The following DLGAP2 variants were observed in gnomAD, a reference collection of about 807,000 sequenced individuals.
The protein encoded by DLGAP2 is disks large-associated protein 2.
DLGAP2 carries 26 observed loss-of-function variants against 100.3 expected under a neutral mutation model. The ratio of observed to expected loss-of-function variants is 0.26; its 90% CI spans 0.19 to 0.36. The LOEUF (loss-of-function observed/expected upper bound fraction) is 0.36, where lower values mean the gene tolerates loss of function less well. DLGAP2 is among the 10% of genes least tolerant of loss of function. The probability of loss-of-function intolerance (pLI) is 1.00; values close to 1 mark genes in which losing one functional copy is unlikely to be tolerated. For synonymous variants in DLGAP2, 886 were observed against 630.1 expected (o/e 1.41, Z -6.08); for missense variants, 1,858 against 1,453.2 (o/e 1.28, Z -4.53).
At chr8:1,246,947 C>A in intron 2 of DLGAP2, 1 of 143,214 alleles carries the variant, frequency 7.0e-6, no homozygotes. Context: ...ATGTCGGTGG[C>A]CAGGAACACC....
At chr8:1,119,697 A>G (rs1434773030) in intron 2 of DLGAP2, among the ~76,000 whole-genome samples, 2 of 152,226 alleles carry the variant, frequency 1.3e-5, no homozygotes, top group Admixed American at 6.5e-5. Flanking sequence ...TTTGAATTTA[A>G]GTATCCCCAG....
At chr8:1,091,203 G>T (rs563213066) in intron 2 of DLGAP2, among the ~76,000 whole-genome samples, 1 of 152,166 alleles carries the variant, frequency 6.6e-6, no homozygotes, top group Non-Finnish European at 1.5e-5. Context: ...ACGTCACTTC[G>T]TGAAGTACTG....
At chr8:1,142,722 C>G (rs948390178) in intron 2 of DLGAP2, among the ~76,000 whole-genome samples, 2 of 152,038 alleles carry the variant, frequency 1.3e-5, no homozygotes, top group African/African-American at 4.8e-5. Flanking sequence ...ATTGTCATCC[C>G]TGCATTATTG....
chr8:1,082,842 C>T (rs544385268), intron 2 of DLGAP2, among the ~76,000 whole-genome samples: 10 of 152,216 alleles, frequency 6.6e-5, no homozygotes, highest in African/African-American at 2.2e-4. Context: ...AGGCTATTTC[C>T]GAAACCATTT....
intron 2 of DLGAP2, among the ~76,000 whole-genome samples, chr8:1,007,357 G>A (rs1388276252): frequency 6.6e-6 from 1 of 152,210 alleles, no homozygotes. Flanking sequence ...TGACTTCTGT[G>A]TGCTGTAACC....
intron 3 of DLGAP2, among the ~76,000 whole-genome samples, chr8:1,352,818 C>G (rs553630304): frequency 6.6e-6 from 1 of 152,284 alleles, no homozygotes; most frequent in African/African-American, 2.4e-5. Context: ...CCAAGGTCTG[C>G]TCATCCCATA....
chr8:1,251,085 A>G (rs1007535164), intron 2 of DLGAP2, among the ~76,000 whole-genome samples: 1 of 152,210 alleles, frequency 6.6e-6, no homozygotes, highest in Non-Finnish European at 1.5e-5. Flanking sequence ...AAATTAACCC[A>G]TGTTCACGAG....
intron 2 of DLGAP2, among the ~76,000 whole-genome samples, chr8:1,160,035 C>G (rs916830530): frequency 6.6e-6 from 1 of 152,180 alleles, no homozygotes; most frequent in Non-Finnish European, 1.5e-5. Context: ...TTTGTGATGA[C>G]CGTCGTCGTA....
intron 2 of DLGAP2, among the ~76,000 whole-genome samples, chr8:1,046,401 C>T (rs1310308814): frequency 1.3e-5 from 2 of 152,156 alleles, no homozygotes; most frequent in Non-Finnish European, 2.9e-5. Context: ...TTCCCCCTCC[C>T]ATTTCCCCGG....
At chr8:837,214 C>G (rs969230412) in intron 1 of DLGAP2, among the ~76,000 whole-genome samples, 3 of 152,186 alleles carry the variant, frequency 2.0e-5, no homozygotes, top group Non-Finnish European at 4.4e-5. Context: ...GGCCGTGTGC[C>G]CAGTGCTGCT....
At chr8:1,276,436 G>C (rs576900094) in intron 3 of DLGAP2, among the ~76,000 whole-genome samples, 2 of 152,116 alleles carry the variant, frequency 1.3e-5, no homozygotes, top group Non-Finnish European at 2.9e-5. Flanking sequence ...TTGCTGAGTG[G>C]GTGCCGGGGA....
chr8:905,979 G>T (rs1798371635), intron 1 of DLGAP2, among the ~76,000 whole-genome samples: 1 of 152,222 alleles, frequency 6.6e-6, no homozygotes. Context: ...CTTTATTCCC[G>T]CTTCTTCAAG....
chr8:1,255,544 TGTCC>T, intron 2 of DLGAP2, among the ~76,000 whole-genome samples: 1 of 127,438 alleles, frequency 7.8e-6, no homozygotes, highest in South Asian at 2.7e-4. Flanking sequence ...GCTGTGTGTC[TGTCC>T]TCTCCTGCCT....
At chr8:979,849 A>C (rs958240154) in intron 2 of DLGAP2, among the ~76,000 whole-genome samples, 1 of 152,174 alleles carries the variant, frequency 6.6e-6, no homozygotes, top group Non-Finnish European at 1.5e-5. Context: ...AGTCTTGGAC[A>C]CTCAGTCCTT....
At chr8:1,493,086 G>A (rs1799439020) in intron 3 of DLGAP2, among the ~76,000 whole-genome samples, 1 of 152,210 alleles carries the variant, frequency 6.6e-6, no homozygotes, top group South Asian at 2.1e-4. Context: ...GGAGGATCTG[G>A]GCAGGGCACA....
At chr8:1,588,047 G>A (rs1341355225) in intron 6 of DLGAP2, among the ~76,000 whole-genome samples, 1 of 152,092 alleles carries the variant, frequency 6.6e-6, no homozygotes, top group African/African-American at 2.4e-5. Flanking sequence ...ATAGAGTTCT[G>A]GTAGCACAAT....
At chr8:1,134,781 G>A (rs1796369406) in intron 2 of DLGAP2, among the ~76,000 whole-genome samples, 1 of 152,118 alleles carries the variant, frequency 6.6e-6, no homozygotes, top group Non-Finnish European at 1.5e-5. Context: ...GCAGGCGAGG[G>A]AGAGCATGTG....
chr8:1,257,114 C>A lies in DLGAP2; in HGVS notation c.74-1737C>A, dbSNP rs145882413. On this transcript the variant is annotated intron_variant, in intron 2 of 14. Coordinates refer to ENST00000637795, the MANE Select transcript of DLGAP2 (RefSeq NM_001346810.2). ...TGTGTCCACCCCGAGGCGTGTGGGT[C>A]TGTCTCCCCGAAGTCGGGAGAGCTC... Among the ~76,000 whole-genome samples, 12 of 152,256 alleles carry A rather than the reference C, an allele frequency of 7.9e-5. No homozygotes were observed. In the East Asian group the frequency reaches 1.8e-3, roughly 22 times the overall value.
rs542776149 is a variant in DLGAP2 at position 1,131,031 on chromosome 8, T to G, written c.74-127820T>G. Among the ~76,000 whole-genome samples the G allele has an allele frequency of 2.0e-5, 3 of 152,296 alleles. No individual in the cohort carries two copies. The East Asian group carries it at 5.8e-4, about 29-fold the overall frequency. ...ATTTCCTCATGCCACTCAGTTTTCT[T>G]TAGAAGGATGCGCATTATTTTCCTT... On this transcript the variant is annotated intron_variant, in intron 2 of 14. Transcript: ENST00000637795.
Sources: allele counts gnomAD v4.1 joint callset (sites outside exome capture counted in the v4.1 genomes callset), GRCh38; gene constraint gnomAD v4.1.1; transcripts MANE v1.5; gene names NCBI Gene and HGNC (gene_info 2026-07-23, HGNC 2026-07-21).